SLC24A1: variants seen among roughly 807,000 people sequenced by gnomAD.
SLC24A1 encodes sodium/potassium/calcium exchanger 1.
SLC24A1 carries 52 observed loss-of-function variants against 88.1 expected under a neutral mutation model. The ratio of observed to expected loss-of-function variants is 0.59; its 90% CI spans 0.47 to 0.74. The LOEUF (loss-of-function observed/expected upper bound fraction) is 0.74. SLC24A1 is among the 30% of genes least tolerant of loss of function. The probability of loss-of-function intolerance (pLI) is 0.00; values close to 1 mark genes in which losing one functional copy is unlikely to be tolerated. For missense variants in SLC24A1, 1,173 were observed against 1,363.3 expected, an observed-to-expected ratio of 0.86 and a Z score of 2.20; for synonymous variants, 455 against 498.0, an observed-to-expected ratio of 0.91 and a Z score of 1.15.
intron 6 of SLC24A1, among the ~76,000 whole-genome samples, chr15:65,649,621 A>G (rs1383977322): frequency 1.3e-5 from 2 of 152,200 alleles, no homozygotes; most frequent in African/African-American, 2.4e-5. Context: ...AGTTTTATCC[A>G]TATCATGAAT....
chr15:65,625,775 C>T lies in SLC24A1; in HGVS notation c.1695C>T (p.Tyr565=). ...CCTTATTCCGTGATGTCTCCTTCTA[C>T]ATCCTTGACCTGATAATGCTCATCC... The part of the protein sequence containing the change: ...WWPLFRDVSF[Y]ILDLIMLILF... Residue 565 remains tyrosine, a synonymous_variant, in exon 2 of 10, where the codon TAC becomes TAT. Transcript: ENST00000261892. 1 of 1,614,100 alleles carries T rather than the reference C, an allele frequency of 6.2e-7. No homozygotes were observed. The highest frequency in any genetic ancestry group is 8.5e-7 in the Non-Finnish European group (1 of 1,179,910).
downstream of SLC24A1, chr15:65,656,333 T>C (rs1052136363): frequency 2.4e-6 from 2 of 823,302 alleles, no homozygotes; most frequent in African/African-American, 3.7e-5. Context: ...CACTTTACAG[T>C]GTTACAGAAA....
rs2074431297 is a variant in SLC24A1 at position 65,624,500 on chromosome 15, G to A, written c.420G>A (p.Arg140=). ...YSPTAAGTER[R]KEDTPTSSRT... Reference sequence around the variant, plus strand: ...CAACAGCAGCAGGTACAGAAAGAAGGAAGGAAGACACCCCAACATCCAGTA... The same window carrying A: ...CAACAGCAGCAGGTACAGAAAGAAGAAAGGAAGACACCCCAACATCCAGTA... Residue 140 remains arginine, a synonymous_variant, in exon 2 of 10, where the codon AGG becomes AGA. Transcript: ENST00000261892. 6.2e-7 allele frequency: 1 copy of A among 1,606,648 alleles called. No homozygotes were observed.
chr15:65,629,328 G>A (rs1226560576), intron 2 of SLC24A1, among the ~76,000 whole-genome samples: 2 of 151,802 alleles, frequency 1.3e-5, no homozygotes, highest in Non-Finnish European at 2.9e-5. Flanking sequence ...AATATTTCCA[G>A]AAAAAAATAA....
chr15:65,654,446 C>G lies in SLC24A1; in HGVS notation c.*367C>G, dbSNP rs1310072446. 1 of 1,164,636 alleles carries G rather than the reference C, an allele frequency of 8.6e-7. No individual in the cohort carries two copies. The highest frequency in any genetic ancestry group is 1.6e-5 in the African/African-American group (1 of 61,186). 72.1% of individuals were successfully genotyped at this position (1,164,636 alleles called of 1,614,324 possible). ...GCTCCTACGCTCACTGTTCCCTGAT[C>G]ATTCCAAAGGCTGCTGGCCCAAAAG... On this transcript the variant is annotated 3_prime_UTR_variant, in exon 10 of 10. Transcript: ENST00000261892.
At chr15:65,634,740 C>CAAAAAAAAAAAAAAAAAGAAAA (rs2074848732) in intron 2 of SLC24A1, among the ~76,000 whole-genome samples, 5 of 90,538 alleles carry the variant, frequency 5.5e-5, no homozygotes, top group Admixed American at 1.2e-4. Flanking sequence ...TCAAAAGCAC[C>CAAAAAAAAAAAAAAAAAGAAAA]AAAAAAAAAA....
chr15:65,651,036 GC>G, intron 7 of SLC24A1, 94 bp downstream of exon 7: 1 of 1,081,598 alleles, frequency 9.2e-7, no homozygotes, highest in Non-Finnish European at 1.4e-6. Flanking sequence ...GGAGGAAGAG[GC>G]CAGGGACAAC....
In SLC24A1 at chr15:65,629,231, C is replaced by T. The variant is rs527850662; in HGVS notation, c.1890+3261C>T. On this transcript the variant is annotated intron_variant, in intron 2 of 9. Coordinates refer to ENST00000261892, the MANE Select transcript of SLC24A1 (RefSeq NM_004727.3). ...CTGTTGAGTTTCTGAGCTGGAGCATCTTTCACTTTACCGTTTATTCTGCCC... is the reference window on the plus strand; with the variant it reads ...CTGTTGAGTTTCTGAGCTGGAGCATTTTTCACTTTACCGTTTATTCTGCCC... Among the ~76,000 whole-genome samples the T allele has an allele frequency of 2.6e-5, 4 of 152,304 alleles. No homozygotes were observed. In the East Asian group the frequency reaches 7.7e-4, roughly 29 times the overall value.
intron 1 of SLC24A1, chr15:65,612,496 C>A (rs2073992697): frequency 6.6e-6 from 1 of 152,470 alleles, no homozygotes; most frequent in South Asian, 2.1e-4. Context: ...AATATCCCTG[C>A]CAGCACTGGG....
At chr15:65,659,109 C>T (rs934032189), downstream of SLC24A1, 4 of 151,940 alleles carry the variant, frequency 2.6e-5, no homozygotes, top group African/African-American at 9.7e-5. Context: ...AATGGTAGGA[C>T]GTAGTAAACA....
At chr15:65,621,387 A>G (rs1021472452), upstream of SLC24A1, among the ~76,000 whole-genome samples, 42 of 152,174 alleles carry the variant, frequency 2.8e-4, 3 homozygotes, top group East Asian at 2.7e-3. Flanking sequence ...GGGGAGATCC[A>G]TTAGTGCCCT....
chr15:65,656,190 C>G lies in SLC24A1; in HGVS notation c.*2111C>G, dbSNP rs541275945. The G allele has an allele frequency of 6.6e-5, 65 of 984,610 alleles. No individual in the cohort carries two copies. In the African/African-American group the frequency reaches 1.0e-3, roughly 15 times the overall value. The allele number at this position is 984,610 out of a possible 1,614,324, so 61.0% of individuals were successfully genotyped here. On this transcript the variant is annotated 3_prime_UTR_variant, in exon 10 of 10. Transcript: ENST00000261892. Reference sequence around the variant, plus strand: ...CAGACTGGAGTAAGGAGTGATGGACCGTAAAATGCTGTGTAATGATAAAAG... The same window carrying G: ...CAGACTGGAGTAAGGAGTGATGGACGGTAAAATGCTGTGTAATGATAAAAG...
chr15:65,616,865 C>A (rs1405168666), intron 2 of SLC24A1, among the ~76,000 whole-genome samples: 1 of 152,156 alleles, frequency 6.6e-6, no homozygotes, highest in African/African-American at 2.4e-5. Flanking sequence ...TTAGGTCTAA[C>A]ATTTAAGTCT....
Position 65,624,786 on chromosome 15 carries a change from T to C in SLC24A1, c.706T>C (p.Ser236Pro). The change falls in exon 2 of 10, where the codon TCT (serine) becomes CCT (proline). Residue 236 changes from serine (S) to proline (P), a missense_variant. Transcript: ENST00000261892. ...TATYKILETN[S>P]LKRIMEETTP... ...AACCTATAAAATACTCGAAACCAAC[T>C]CTCTTAAGAGAATAATGGAGGAAAC... The C allele has an allele frequency of 6.2e-7, 1 of 1,613,926 alleles. No individual in the cohort carries two copies. The highest frequency in any genetic ancestry group is 8.5e-7 in the Non-Finnish European group (1 of 1,179,868).
chr15:65,646,927 T>C (rs1345520091), intron 6 of SLC24A1, among the ~76,000 whole-genome samples: 1 of 152,206 alleles, frequency 6.6e-6, no homozygotes, highest in Non-Finnish European at 1.5e-5. Context: ...AGGTATTCCC[T>C]GGAATCCCAG....
rs2075475447 is a variant in SLC24A1 at position 65,650,803 on chromosome 15, AGGAG to A, written c.2656_2659del (p.Glu886LysfsTer37). ...GAGCAGGAGGAAGAGGAGGAGGAGGAGGAGGAAGAGGAGGAGAAGGGAAATGAAG... is the reference window on the plus strand; with the variant it reads ...GAGCAGGAGGAAGAGGAGGAGGAGGAGAAGAGGAGGAGAAGGGAAATGAAG... On this transcript the variant is annotated frameshift_variant, in exon 7 of 10. Transcript: ENST00000261892. LOFTEE classifies it high-confidence loss of function. This position sits in a 1 kb window ranked among gnomAD's most constrained non-coding sequence, Gnocchi z 4.1. The A allele has an allele frequency of 6.2e-7, 1 of 1,613,312 alleles. No individual in the cohort carries two copies. Among genetic ancestry groups the A allele is most frequent in the Admixed American group, 1.7e-5 (1 of 59,926 alleles).
intron 5 of SLC24A1, 64 bp downstream of exon 5, chr15:65,644,577 C>G: frequency 8.1e-7 from 1 of 1,230,894 alleles, no homozygotes; most frequent in South Asian, 1.3e-5. Context: ...CAGTAGTGAG[C>G]TTGGCCTGGA....
chr15:65,646,866 T>A (rs1485428907), intron 6 of SLC24A1, among the ~76,000 whole-genome samples: 1 of 152,230 alleles, frequency 6.6e-6, no homozygotes, highest in Admixed American at 6.5e-5. Flanking sequence ...CATGGTAACA[T>A]GAGTAGGTCT....
At chr15:65,635,823 C>T (rs2074914837) in intron 2 of SLC24A1, among the ~76,000 whole-genome samples, 1 of 152,232 alleles carries the variant, frequency 6.6e-6, no homozygotes, top group South Asian at 2.1e-4. Context: ...GAACCACATT[C>T]TTCTTTGTCA....
Sources: allele counts gnomAD v4.1 joint callset (sites outside exome capture counted in the v4.1 genomes callset), GRCh38; gene constraint gnomAD v4.1.1; non-coding constraint Gnocchi (gnomAD v3.1); transcripts MANE v1.5; gene names NCBI Gene and HGNC (gene_info 2026-07-23, HGNC 2026-07-21).